The following CELF2 variants were observed in gnomAD, a reference collection of about 807,000 sequenced individuals.
CELF2 encodes the protein CUG triplet repeat RNA-binding protein 2.
CELF2 carries 8 observed loss-of-function variants against 62.6 expected under a neutral mutation model. That is an observed-to-expected ratio of 0.13 (90% CI 0.07 to 0.23). The LOEUF (loss-of-function observed/expected upper bound fraction) is 0.23, where lower values mean the gene tolerates loss of function less well. Among genes scored for constraint, CELF2 ranks in the 10% least tolerant of loss-of-function variants. The probability of loss-of-function intolerance (pLI) is 1.00; values close to 1 mark genes in which losing one functional copy is unlikely to be tolerated. For missense variants in CELF2, 333 were observed against 671.0 expected (o/e 0.50, Z 5.56); for synonymous variants, 258 against 250.0 (o/e 1.03, Z -0.30).
chr10:10,663,943 G>C, the CELF2 span, among the ~76,000 whole-genome samples: 1 of 152,142 alleles, frequency 6.6e-6, no homozygotes, highest in African/African-American at 2.4e-5. Flanking sequence ...AAGAGAAATT[G>C]ACTTTGAAAA....
chr10:11,231,118 A>G (rs1232150394), intron 3 of CELF2, among the ~76,000 whole-genome samples: 2 of 152,222 alleles, frequency 1.3e-5, no homozygotes, highest in Admixed American at 1.3e-4. Context: ...AAAGAATGTC[A>G]TCTGCCCTGA....
chr10:10,521,156 C>T, the CELF2 span, among the ~76,000 whole-genome samples: 1 of 152,168 alleles, frequency 6.6e-6, no homozygotes. Flanking sequence ...CAGGTATCCC[C>T]TGCTGTGTGA....
the CELF2 span, among the ~76,000 whole-genome samples, chr10:10,591,432 A>G: frequency 6.6e-6 from 1 of 152,142 alleles, no homozygotes; most frequent in South Asian, 2.1e-4. Context: ...TATAGTAAGT[A>G]TATATGTATA....
chr10:10,891,693 G>A (rs534087997), intron 1 of CELF2, among the ~76,000 whole-genome samples: 1 of 152,314 alleles, frequency 6.6e-6, no homozygotes, highest in East Asian at 1.9e-4. Flanking sequence ...CTGCTTCGCT[G>A]TTTATTAGCT....
At chr10:10,614,292 A>G in the CELF2 span, among the ~76,000 whole-genome samples, 1 of 152,052 alleles carries the variant, frequency 6.6e-6, no homozygotes, top group African/African-American at 2.4e-5. Context: ...GACTGCTAGC[A>G]TTCCCGCTCT....
chr10:10,971,831 C>T (rs2050787875), intron 2 of CELF2, among the ~76,000 whole-genome samples: 1 of 152,188 alleles, frequency 6.6e-6, no homozygotes, highest in South Asian at 2.1e-4. Context: ...AGGTGATCCA[C>T]CCACCTCGAT....
the CELF2 span, among the ~76,000 whole-genome samples, chr10:10,589,490 T>A: frequency 2.0e-5 from 3 of 152,348 alleles, no homozygotes; most frequent in South Asian, 6.2e-4. Context: ...AGACATCCAT[T>A]CAGATGGCTG....
At chr10:11,183,044 A>C (rs2073906766) in intron 2 of CELF2, among the ~76,000 whole-genome samples, 1 of 152,238 alleles carries the variant, frequency 6.6e-6, no homozygotes, top group Non-Finnish European at 1.5e-5. Context: ...ACATATGTAT[A>C]CACCTGTGAA....
At position 11,156,018 on chromosome 10, in the gene CELF2, G is replaced by A. The variant is rs558203822; in HGVS notation, c.75-9468G>A. Among the ~76,000 whole-genome samples, 2 of 152,338 alleles carry A rather than the reference G, an allele frequency of 1.3e-5. No individual in the cohort carries two copies. The highest frequency in any genetic ancestry group is 6.5e-5 in the Admixed American group (1 of 15,304). ...AGCATTTAACAGAAAAGTAGGTGGA[G>A]TTCTGAATGCCGGGCAAGCACAAAG... On this transcript the variant is annotated intron_variant, in intron 1 of 12. Coordinates refer to ENST00000633077, the MANE Select transcript of CELF2 (RefSeq NM_001326342.2). The surrounding 1 kb of genome is among the most constrained non-coding windows in gnomAD (Gnocchi z 4.3).
At chr10:10,935,354 G>A (rs1429771156) in intron 2 of CELF2, 1 of 152,190 alleles carries the variant, frequency 6.6e-6, no homozygotes, top group African/African-American at 2.4e-5. Flanking sequence ...ACGAGACATT[G>A]TAGCTATTCA....
chr10:11,008,817 G>A lies in CELF2; in HGVS notation c.53+3377G>A, dbSNP rs906283941. Among the ~76,000 whole-genome samples the A allele has an allele frequency of 3.9e-5, 6 of 152,150 alleles. No homozygotes were observed. The highest frequency in any genetic ancestry group is 4.4e-5 in the Non-Finnish European group (3 of 68,022). On this transcript the variant is annotated intron_variant, in intron 1 of 12. Transcript: ENST00000416382. The surrounding 1 kb of genome is among the most constrained non-coding windows in gnomAD (Gnocchi z 4.5). ...TCCCACTTAGATTTCTTTGTATGGAGATTTCTGTAACAGTCATTAACAGAA... is the reference window on the plus strand; with the variant it reads ...TCCCACTTAGATTTCTTTGTATGGAAATTTCTGTAACAGTCATTAACAGAA...
At chr10:10,663,877 C>G in the CELF2 span, among the ~76,000 whole-genome samples, 1 of 152,104 alleles carries the variant, frequency 6.6e-6, no homozygotes, top group Non-Finnish European at 1.5e-5. Context: ...AGTTTACTAC[C>G]GGTAGTTAAC....
At chr10:10,789,351 T>C in the CELF2 span, among the ~76,000 whole-genome samples, 1 of 152,208 alleles carries the variant, frequency 6.6e-6, no homozygotes, top group African/African-American at 2.4e-5. Context: ...TAATATCCAG[T>C]TTTATAGATA....
chr10:10,837,367 C>T (rs1377856761), intron 1 of CELF2, among the ~76,000 whole-genome samples: 1 of 152,196 alleles, frequency 6.6e-6, no homozygotes, highest in Non-Finnish European at 1.5e-5. Context: ...TGAGCCCTCC[C>T]CAGCCTCGTG....
intron 1 of CELF2, among the ~76,000 whole-genome samples, chr10:11,029,990 G>T (rs752235030): frequency 3.3e-5 from 5 of 152,128 alleles, no homozygotes; most frequent in Non-Finnish European, 7.4e-5. Context: ...TCCTAAGGAT[G>T]TGCTACTTTT....
chr10:10,863,121 G>A (rs913608772), intron 1 of CELF2, among the ~76,000 whole-genome samples: 5 of 152,306 alleles, frequency 3.3e-5, no homozygotes, highest in Admixed American at 1.3e-4. Flanking sequence ...AGCGAAAACC[G>A]TACAGTGGTC....
rs115539921 is a variant in CELF2, at chr10:11,081,522, C to T, written c.74+63359C>T. Among the ~76,000 whole-genome samples, 430 of 152,204 alleles carry T rather than the reference C, an allele frequency of 2.8e-3. 2 individuals are homozygous for T. Among genetic ancestry groups the T allele is most frequent in the African/African-American group, 9.8e-3 (406 of 41,518 alleles). On this transcript the variant is annotated intron_variant, in intron 1 of 12. Coordinates refer to ENST00000633077, the MANE Select transcript of CELF2 (RefSeq NM_001326342.2). The stretch of plus-strand genomic sequence containing the variant: ...AAAGATGGAAATTCTACTTGAGGAG[C>T]CTGCTTTGCTGTTTTGGCACTGAGG...
chr10:10,656,498 T>A, the CELF2 span, among the ~76,000 whole-genome samples: 1 of 131,728 alleles, frequency 7.6e-6, no homozygotes, highest in Non-Finnish European at 1.7e-5. Flanking sequence ...TAGACTGGAT[T>A]AAGAAAATGT....
the CELF2 span, among the ~76,000 whole-genome samples, chr10:10,666,810 C>G: frequency 1.4e-5 from 1 of 72,440 alleles, no homozygotes; most frequent in Non-Finnish European, 2.6e-5. Context: ...TGCAGTGAGC[C>G]GAGATCGCGC....
Sources: gnomAD v4.1 joint callset for allele counts (sites outside exome capture counted in the v4.1 genomes callset) on GRCh38, gnomAD v4.1.1 for gene constraint, Gnocchi (gnomAD v3.1) non-coding constraint, MANE v1.5 for transcripts, NCBI Gene and HGNC (gene_info 2026-07-23, HGNC 2026-07-21) for gene names.